Variants in DOCK10 observed in about 807,000 individuals in gnomAD.
The protein encoded by DOCK10 is dedicator of cytokinesis 10.
DOCK10 carries 145 observed loss-of-function variants against 280.1 expected under a neutral mutation model. The ratio of observed to expected loss-of-function variants is 0.52; its 90% confidence interval spans 0.45 to 0.59. The LOEUF is 0.59. DOCK10 is among the 20% of genes least tolerant of loss of function. DOCK10 has a pLI of 0.00. For missense variants in DOCK10, 2,368 were observed against 2,651.7 expected, an observed-to-expected ratio of 0.89 and a Z score of 2.35; for synonymous variants, 915 against 942.2, an observed-to-expected ratio of 0.97 and a Z score of 0.53.
chr2:224,883,450 T>G (rs1432446460), intron 7 of DOCK10, among the ~76,000 whole-genome samples: 1 of 152,248 alleles, frequency 6.6e-6, no homozygotes, highest in Admixed American at 6.5e-5. Flanking sequence ...CTAGGAAGAC[T>G]TTCCCATAAT....
At chr2:225,021,707 T>G (rs998577537) in intron 1 of DOCK10, among the ~76,000 whole-genome samples, 1 of 152,148 alleles carries the variant, frequency 6.6e-6, no homozygotes, top group African/African-American at 2.4e-5. Flanking sequence ...GAGTCGCAGG[T>G]TTTTGTTGTT....
intron 13 of DOCK10, 52 bp downstream of exon 13, chr2:224,864,501 C>CG: frequency 6.8e-7 from 1 of 1,463,852 alleles, no homozygotes; most frequent in Non-Finnish European, 9.1e-7. Flanking sequence ...CAGGGAGAGA[C>CG]TCTATTAAAA....
chr2:224,958,789 G>A (rs1463689878), intron 1 of DOCK10, among the ~76,000 whole-genome samples: 2 of 152,132 alleles, frequency 1.3e-5, no homozygotes, highest in African/African-American at 4.8e-5. Context: ...ATCTCCTACT[G>A]GCATGTGGCA....
In DOCK10 at chr2:224,886,120, G is replaced by A. The variant is rs759396211; in HGVS notation, c.555C>T (p.Ser185=). The A allele has an allele frequency of 1.4e-5, 23 of 1,613,624 alleles. No individual in the cohort carries two copies. The highest frequency in any genetic ancestry group is 5.0e-5 in the Admixed American group (3 of 59,958). The change falls in exon 6 of 56, where the codon TCC becomes TCT. Residue 185 remains serine, a synonymous_variant. Transcript: ENST00000258390. ...TAAAATTCCCCTTGTAGAGCCAGCC[G>A]GACTTGAAAACACCAGTTCCTCCCG... ...GGAGGTGVFK[S]GWLYKGNFNS...
chr2:224,899,893 G>C (rs1054313025), intron 3 of DOCK10, among the ~76,000 whole-genome samples: 5 of 152,210 alleles, frequency 3.3e-5, no homozygotes, highest in African/African-American at 1.2e-4. Flanking sequence ...TTGGGAACTA[G>C]GGGATAGAAG....
intron 11 of DOCK10, among the ~76,000 whole-genome samples, chr2:224,868,677 C>T (rs1200135444): frequency 6.6e-6 from 1 of 152,050 alleles, no homozygotes; most frequent in African/African-American, 2.4e-5. Flanking sequence ...AGCTCCCTTA[C>T]TGTTAGAAAA....
At chr2:224,765,940 G>T (rs1690056146) in intron 55 of DOCK10, 103 bp from the exon 56 acceptor site, 4 of 760,550 alleles carry the variant, frequency 5.3e-6, no homozygotes, top group Admixed American at 3.4e-5. Context: ...TCCCCACAGG[G>T]TAATTTATTC....
intron 31 of DOCK10, among the ~76,000 whole-genome samples, chr2:224,813,251 A>G (rs900226192): frequency 1.3e-5 from 2 of 152,222 alleles, no homozygotes; most frequent in African/African-American, 2.4e-5. Flanking sequence ...GCTGGAGTGC[A>G]GTGGCACGAT....
Position 224,874,171 on chromosome 2 carries a change from G to A in DOCK10, c.1102-20C>T, listed in dbSNP as rs377663542. On this transcript the variant is annotated intron_variant, in intron 10 of 55. Transcript: ENST00000258390. ...CAAGGTCTAAAAAAGTTTTGAATGA[G>A]TCACCAAACATCCAACATAAAAAAG... 3 of 1,579,610 alleles carry A rather than the reference G, an allele frequency of 1.9e-6. No individual in the cohort carries two copies. Among genetic ancestry groups the A allele is most frequent in the African/African-American group, 2.7e-5 (2 of 73,746 alleles).
rs1400879818 is a variant in DOCK10, at chr2:224,765,247, TTAATA to T, written c.*469_*473del. On this transcript the variant is annotated 3_prime_UTR_variant, in exon 56 of 56. Transcript: ENST00000258390. ...GCTTTTGTACACATACACAAATATT[TTAATA>T]TAATGGTATCTGAAATGTTATTCAT... 2 of 152,886 alleles carry T rather than the reference TTAATA, an allele frequency of 1.3e-5. No individual in the cohort carries two copies. The highest frequency in any genetic ancestry group is 2.4e-5 in the African/African-American group (1 of 41,468). 9.5% of individuals were successfully genotyped at this position (152,886 alleles called of 1,614,324 possible). A position where few individuals can be genotyped will look rare whatever the true frequency, so the allele number is the denominator to read the frequency against.
At position 224,773,347 on chromosome 2, in the gene DOCK10, G is replaced by T; in HGVS notation, c.6014C>A (p.Thr2005Lys). ...CTTCACGTAGGGGAACAGGTGACTC[G>T]CTGTACAAAAGCCATACAAAGGGAT... ...EQCKRRTILT[T>K]SHLFPYVKKR... Residue 2005 changes from threonine to lysine, a missense_variant and splice_region_variant, in exon 53 of 56, where the codon ACG becomes AAG. Physicochemically the swap from Thr to Lys is moderately conservative, Grantham distance 78 (BLOSUM62 -1). Coordinates refer to ENST00000258390, the MANE Select transcript of DOCK10 (RefSeq NM_014689.3). The T allele has an allele frequency of 6.2e-7, 1 of 1,607,368 alleles. No individual in the cohort carries two copies. Among genetic ancestry groups the T allele is most frequent in the Non-Finnish European group, 8.5e-7 (1 of 1,176,930 alleles).
intron 47 of DOCK10, among the ~76,000 whole-genome samples, chr2:224,790,809 AT>A (rs1160175868): frequency 6.6e-6 from 1 of 152,042 alleles, no homozygotes; most frequent in Non-Finnish European, 1.5e-5. Flanking sequence ...GGAAGGGATA[AT>A]TTACTCCTTT....
At chr2:224,779,321 T>C (rs1691129035) in intron 50 of DOCK10, among the ~76,000 whole-genome samples, 1 of 151,930 alleles carries the variant, frequency 6.6e-6, no homozygotes, top group Non-Finnish European at 1.5e-5. Flanking sequence ...GTTCAAGCGA[T>C]TCTCCTACTT....
At chr2:224,903,365 C>T (rs1282296777) in intron 3 of DOCK10, among the ~76,000 whole-genome samples, 1 of 152,130 alleles carries the variant, frequency 6.6e-6, no homozygotes, top group Non-Finnish European at 1.5e-5. Flanking sequence ...AGGGCCAATC[C>T]AGGGGAAAAT....
chr2:224,977,635 G>A (rs1705513855), intron 1 of DOCK10, among the ~76,000 whole-genome samples: 1 of 152,150 alleles, frequency 6.6e-6, no homozygotes, highest in South Asian at 2.1e-4. Flanking sequence ...TTGAGTGAGA[G>A]ATAAAATTAA....
chr2:224,908,182 GTA>G (rs1491052068), intron 3 of DOCK10, among the ~76,000 whole-genome samples: 3 of 91,678 alleles, frequency 3.3e-5, no homozygotes, highest in South Asian at 3.4e-4. Flanking sequence ...GTGTGTGTGT[GTA>G]TGTGTGTGTG....
chr2:224,800,112 T>C, intron 41 of DOCK10, 39 bp downstream of exon 41: 1 of 1,263,244 alleles, frequency 7.9e-7, no homozygotes, highest in Non-Finnish European at 1.1e-6. Context: ...TACCTCATAT[T>C]TCATCATTTT....
At chr2:225,004,374 TGGA>T (rs1706516594) in intron 1 of DOCK10, among the ~76,000 whole-genome samples, 1 of 152,214 alleles carries the variant, frequency 6.6e-6, no homozygotes, top group South Asian at 2.1e-4. Context: ...CACCAGAAAC[TGGA>T]GGAGGCAAGG....
chr2:224,828,444 A>G (rs1462554453), intron 27 of DOCK10, among the ~76,000 whole-genome samples: 1 of 152,164 alleles, frequency 6.6e-6, no homozygotes, highest in African/African-American at 2.4e-5. Context: ...AGGATAGAGG[A>G]AAAAATAAAG....
Sources: gnomAD v4.1 joint callset for allele counts (sites outside exome capture counted in the v4.1 genomes callset) on GRCh38, gnomAD v4.1.1 for gene constraint, MANE v1.5 for transcripts, NCBI Gene and HGNC (gene_info 2026-07-23, HGNC 2026-07-21) for gene names.